ZFHX3: variants seen among roughly 807,000 people sequenced by gnomAD.
The protein encoded by ZFHX3 is zinc finger homeobox 3, also known as zinc finger homeobox protein 3.
Under a neutral mutation model 279.1 loss-of-function variants are expected in ZFHX3, and 42 were observed. The ratio of observed to expected loss-of-function variants is 0.15; its 90% CI spans 0.12 to 0.19. ZFHX3 has a LOEUF of 0.19. Among genes scored for constraint, ZFHX3 ranks in the 10% least tolerant of loss-of-function variants. The probability of loss-of-function intolerance (pLI) is 1.00; values close to 1 mark genes in which losing one functional copy is unlikely to be tolerated. For synonymous variants in ZFHX3, 2,293 were observed against 1,957.8 expected, an observed-to-expected ratio of 1.17 and a Z score of -4.52; for missense variants, 4,981 against 4,754.0, an observed-to-expected ratio of 1.05 and a Z score of -1.40.
chr16:73,424,277 C>A (rs769227815), intron 3 of ZFHX3, among the ~76,000 whole-genome samples: 3 of 152,164 alleles, frequency 2.0e-5, no homozygotes, highest in Non-Finnish European at 2.9e-5. Context: ...ATGATACTTA[C>A]TCTGTGGCAT....
chr16:73,395,985 T>C (rs1352338528), intron 3 of ZFHX3, among the ~76,000 whole-genome samples: 1 of 152,238 alleles, frequency 6.6e-6, no homozygotes, highest in Non-Finnish European at 1.5e-5. Flanking sequence ...ATGCTTACTA[T>C]ACACTTCTTG....
intron 3 of ZFHX3, among the ~76,000 whole-genome samples, chr16:73,434,316 C>T (rs1345829048): frequency 2.0e-5 from 3 of 152,154 alleles, no homozygotes; most frequent in East Asian, 1.9e-4. Flanking sequence ...GAAAGGTGAA[C>T]GGGAGGTCTG....
chr16:73,707,062 T>A (rs1161036809), intron 1 of ZFHX3, among the ~76,000 whole-genome samples: 3 of 152,238 alleles, frequency 2.0e-5, no homozygotes, highest in Non-Finnish European at 2.9e-5. Context: ...GCCAGTATAC[T>A]TTATTACATA....
intron 2 of ZFHX3, among the ~76,000 whole-genome samples, chr16:73,539,137 C>CT (rs575202036): frequency 0.013 from 1,991 of 147,520 alleles, 46 homozygotes; most frequent in African/African-American, 0.044. Flanking sequence ...TTCTTTCTTT[C>CT]TTTTTTTTTT....
chr16:73,641,334 G>A (rs1191737807), intron 2 of ZFHX3, among the ~76,000 whole-genome samples: 1 of 152,142 alleles, frequency 6.6e-6, no homozygotes, highest in African/African-American at 2.4e-5. Flanking sequence ...AAAGGAGTGA[G>A]AACAAGAGGA....
intron 2 of ZFHX3, among the ~76,000 whole-genome samples, chr16:73,565,308 G>A (rs1295095730): frequency 6.6e-6 from 1 of 151,722 alleles, no homozygotes; most frequent in East Asian, 1.9e-4. Flanking sequence ...TAATTCTAAG[G>A]AAGTAGTGAG....
At chr16:73,188,693 G>A (rs1184623096) in intron 5 of ZFHX3, among the ~76,000 whole-genome samples, 1 of 152,128 alleles carries the variant, frequency 6.6e-6, no homozygotes, top group Non-Finnish European at 1.5e-5. Context: ...GCTACTGTTG[G>A]AAAGGTGGCT....
chr16:73,645,881 T>C (rs2052614001), intron 2 of ZFHX3, among the ~76,000 whole-genome samples: 1 of 152,196 alleles, frequency 6.6e-6, no homozygotes, highest in Admixed American at 6.5e-5. Context: ...TTGGAGGTGA[T>C]GGTAACTGTA....
chr16:73,772,876 A>G (rs1597108366), intron 1 of ZFHX3, among the ~76,000 whole-genome samples: 1 of 152,228 alleles, frequency 6.6e-6, no homozygotes, highest in East Asian at 1.9e-4. Flanking sequence ...GAGAATCTCC[A>G]GGCATCTTGA....
At chr16:73,157,662 T>C (rs1436848985) in intron 5 of ZFHX3, among the ~76,000 whole-genome samples, 6 of 152,054 alleles carry the variant, frequency 3.9e-5, no homozygotes, top group African/African-American at 1.2e-4. Flanking sequence ...CTGAATTGGA[T>C]GGGATATTTG....
intron 7 of ZFHX3, among the ~76,000 whole-genome samples, chr16:73,096,290 C>T (rs1966162265): frequency 6.6e-6 from 1 of 151,678 alleles, no homozygotes; most frequent in South Asian, 2.1e-4. Flanking sequence ...CTTTCATGGT[C>T]TGGGAGCTCA....
At chr16:72,856,819 C>T (rs1399074994) in intron 4 of ZFHX3, among the ~76,000 whole-genome samples, 1 of 152,178 alleles carries the variant, frequency 6.6e-6, no homozygotes. Context: ...GCCATCTCCA[C>T]CCTTGGTGAA....
rs1215340436 is a variant in ZFHX3, at chr16:73,026,290, T to C, written c.-50+21462A>G. Among the ~76,000 whole-genome samples, 5 of 147,902 alleles carry C rather than the reference T, an allele frequency of 3.4e-5. No homozygotes were observed. In the East Asian group the frequency reaches 1.0e-3, roughly 30 times the overall value. On this transcript the variant is annotated intron_variant, in intron 1 of 9. Coordinates refer to ENST00000268489, the MANE Select transcript of ZFHX3 (RefSeq NM_006885.4). ...AGGGAGGCTGAGGCAGGAGAACTGC[T>C]TGAACCCAGGAGGCGGAGGTTGCAG...
chr16:73,056,019 G>A lies in ZFHX3; in HGVS notation c.-24+2511C>T, dbSNP rs549709129. Reference sequence around the variant, plus strand: ...GCAAATATTTATATAAGCCCTGTGCGTTTCAGCATTAAGTAATTAAAAACT... The same window carrying A: ...GCAAATATTTATATAAGCCCTGTGCATTTCAGCATTAAGTAATTAAAAACT... On this transcript the variant is annotated intron_variant, in intron 1 of 8. Transcript: ENST00000397992. Among the ~76,000 whole-genome samples, 3 of 152,260 alleles carry A rather than the reference G, an allele frequency of 2.0e-5. No homozygotes were observed. In the East Asian group the frequency reaches 5.8e-4, roughly 29 times the overall value.
chr16:73,485,074 T>C (rs1252852530), intron 2 of ZFHX3, among the ~76,000 whole-genome samples: 3 of 152,152 alleles, frequency 2.0e-5, no homozygotes, highest in Non-Finnish European at 2.9e-5. Context: ...AAAGAAGTAA[T>C]GGCTAGTTGC....
At chr16:73,254,897 T>TATCC (rs1037989311) in intron 5 of ZFHX3, among the ~76,000 whole-genome samples, 102 of 148,892 alleles carry the variant, frequency 6.9e-4, no homozygotes, top group South Asian at 2.9e-3. Flanking sequence ...CCTGTTTATC[T>TATCC]ATCCATCCAT....
intron 2 of ZFHX3, among the ~76,000 whole-genome samples, chr16:73,620,336 A>G (rs1218116083): frequency 1.3e-5 from 2 of 152,286 alleles, no homozygotes; most frequent in African/African-American, 4.8e-5. Flanking sequence ...GTCAAAGAAC[A>G]TAAATATTGT....
intron 5 of ZFHX3, among the ~76,000 whole-genome samples, chr16:73,230,667 G>T (rs2012744622): frequency 6.6e-6 from 1 of 152,164 alleles, no homozygotes; most frequent in African/African-American, 2.4e-5. Flanking sequence ...GGAAGGCCTG[G>T]TGCTATAATT....
chr16:73,043,137 GAGGCAGCACATGTGTTAATACCAAAGCT>G (rs1784334291), intron 1 of ZFHX3, among the ~76,000 whole-genome samples: 1 of 152,152 alleles, frequency 6.6e-6, no homozygotes, highest in Admixed American at 6.5e-5. Context: ...ACAAATCTCA[GAGGCAGCACATGTGTTAATACCAAAGCT>G]CAAAGAACAC....
Sources: gnomAD v4.1 joint callset for allele counts (sites outside exome capture counted in the v4.1 genomes callset) on GRCh38, gnomAD v4.1.1 for gene constraint, MANE v1.5 for transcripts, NCBI Gene and HGNC (gene_info 2026-07-23, HGNC 2026-07-21) for gene names.